The following GLRA3 variants were observed in gnomAD, a reference collection of about 807,000 sequenced individuals.
GLRA3 encodes the protein glycine receptor alpha 3, also known as glycine receptor subunit alpha-3.
Under a neutral mutation model 60.4 loss-of-function variants are expected in GLRA3, and 44 were observed. The ratio of observed to expected loss-of-function variants is 0.73; its 90% CI spans 0.57 to 0.94. The LOEUF (loss-of-function observed/expected upper bound fraction) is 0.94. Among genes scored for constraint, GLRA3 ranks in the 40% least tolerant of loss-of-function variants. GLRA3 has a pLI of 0.00. For synonymous variants in GLRA3, 223 were observed against 192.9 expected (o/e 1.16, Z -1.29); for missense variants, 508 against 564.6 (o/e 0.90, Z 1.02).
intron 6 of GLRA3, among the ~76,000 whole-genome samples, chr4:174,682,434 A>AT (rs202041863): frequency 4.8e-4 from 73 of 152,320 alleles, no homozygotes; most frequent in African/African-American, 1.6e-3. Context: ...AAAAAATGCA[A>AT]TTTAAAAAAA....
chr4:174,736,907 A>G (rs1736812843), intron 3 of GLRA3, among the ~76,000 whole-genome samples: 1 of 152,224 alleles, frequency 6.6e-6, no homozygotes, highest in Non-Finnish European at 1.5e-5. Context: ...GCATAAAACT[A>G]GATGCTTTAA....
At chr4:174,683,105 G>A (rs35659583) in intron 5 of GLRA3, among the ~76,000 whole-genome samples, 166 bp from the exon 6 acceptor site, 64,209 of 151,992 alleles carry the variant, frequency 0.42, 14,110 homozygotes, top group Middle Eastern at 0.54. Context: ...ATAAATGTCT[G>A]TTGAAGTCTA....
intron 5 of GLRA3, among the ~76,000 whole-genome samples, chr4:174,690,698 C>T (rs1448802184): frequency 6.6e-6 from 1 of 152,012 alleles, no homozygotes; most frequent in Non-Finnish European, 1.5e-5. Flanking sequence ...TCTGTTGTTC[C>T]CTTCTTTGTG....
chr4:174,677,033 A>G (rs2110953616), intron 7 of GLRA3, 45 bp downstream of exon 7: 1 of 1,151,956 alleles, frequency 8.7e-7, no homozygotes, highest in South Asian at 1.2e-5. Flanking sequence ...TGCAAGATTT[A>G]TAAGTGTGTG....
At chr4:174,730,880 C>T (rs929395733) in intron 3 of GLRA3, among the ~76,000 whole-genome samples, 1 of 152,068 alleles carries the variant, frequency 6.6e-6, no homozygotes, top group African/African-American at 2.4e-5. Flanking sequence ...TGACAATAAT[C>T]CTGTCATTCA....
chr4:174,791,371 T>G (rs945516067), intron 1 of GLRA3, among the ~76,000 whole-genome samples: 3 of 152,134 alleles, frequency 2.0e-5, no homozygotes, highest in Admixed American at 1.3e-4. Flanking sequence ...CACACCTTGA[T>G]TTTGACCCAG....
chr4:174,670,377 T>G (rs985920415), intron 7 of GLRA3, among the ~76,000 whole-genome samples: 13 of 152,156 alleles, frequency 8.5e-5, no homozygotes, highest in Non-Finnish European at 1.6e-4. Flanking sequence ...AGATAAAGCC[T>G]GTAAAGGTGT....
intron 1 of GLRA3, among the ~76,000 whole-genome samples, chr4:174,824,789 AC>A (rs1332967784): frequency 6.6e-6 from 1 of 152,052 alleles, no homozygotes; most frequent in Non-Finnish European, 1.5e-5. Flanking sequence ...TGCTATCTGT[AC>A]TTTTTTCTTT....
chr4:174,818,715 C>A (rs1304950548), intron 1 of GLRA3, among the ~76,000 whole-genome samples: 3 of 152,080 alleles, frequency 2.0e-5, no homozygotes, highest in Non-Finnish European at 2.9e-5. Flanking sequence ...CTTTATAATC[C>A]TCTGCTGCTT....
chr4:174,776,638 A>G (rs879785353), intron 2 of GLRA3, among the ~76,000 whole-genome samples: 1 of 151,970 alleles, frequency 6.6e-6, no homozygotes, highest in Non-Finnish European at 1.5e-5. Flanking sequence ...GAAATAACCA[A>G]TTTTTTTGGA....
chr4:174,760,276 C>A (rs1012342), intron 3 of GLRA3, among the ~76,000 whole-genome samples: 41,734 of 152,010 alleles, frequency 0.27, 6,176 homozygotes, highest in Non-Finnish European at 0.34. Flanking sequence ...AACTTTACAA[C>A]CATTATGTAA....
chr4:174,799,368 C>T (rs1300401222), intron 1 of GLRA3, among the ~76,000 whole-genome samples: 1 of 152,102 alleles, frequency 6.6e-6, no homozygotes, highest in African/African-American at 2.4e-5. Flanking sequence ...CTAAAAACAC[C>T]AGTGAAAAAT....
intron 7 of GLRA3, 135 bp downstream of exon 7, chr4:174,676,943 G>A: frequency 1.7e-6 from 1 of 597,792 alleles, no homozygotes; most frequent in Non-Finnish European, 3.0e-6. Context: ...TTCTGCTTTG[G>A]TTATATATTA....
At chr4:174,675,116 T>C (rs1734062187) in intron 7 of GLRA3, among the ~76,000 whole-genome samples, 1 of 152,130 alleles carries the variant, frequency 6.6e-6, no homozygotes, top group South Asian at 2.1e-4. Flanking sequence ...ACTTTCTCAA[T>C]CAATTCCTTT....
chr4:174,827,784 G>A (rs1208739861), intron 1 of GLRA3, among the ~76,000 whole-genome samples: 1 of 151,714 alleles, frequency 6.6e-6, no homozygotes, highest in Non-Finnish European at 1.5e-5. Flanking sequence ...ATGAAAAATC[G>A]ACATAGCAAT....
intron 1 of GLRA3, among the ~76,000 whole-genome samples, chr4:174,816,857 A>C (rs1740523448): frequency 6.6e-6 from 1 of 152,272 alleles, no homozygotes; most frequent in South Asian, 2.1e-4. Context: ...TTGTGGGTAC[A>C]TAGCAGGTAT....
intron 1 of GLRA3, among the ~76,000 whole-genome samples, chr4:174,822,014 G>T (rs1740759864): frequency 6.6e-6 from 1 of 152,248 alleles, no homozygotes; most frequent in South Asian, 2.1e-4. Flanking sequence ...TAAACATTAT[G>T]GAGGTAAAAC....
At chr4:174,732,986 G>A (rs1027739569) in intron 3 of GLRA3, among the ~76,000 whole-genome samples, 1 of 152,064 alleles carries the variant, frequency 6.6e-6, no homozygotes, top group Non-Finnish European at 1.5e-5. Flanking sequence ...CTAGGTAAAG[G>A]ATTCAATAGT....
intron 6 of GLRA3, among the ~76,000 whole-genome samples, chr4:174,679,314 C>A (rs1421497263): frequency 6.6e-6 from 1 of 151,742 alleles, no homozygotes; most frequent in African/African-American, 2.4e-5. Flanking sequence ...GAGCGAGACT[C>A]CAACTCAAAA....
Sources: gnomAD v4.1 joint callset for allele counts (sites outside exome capture counted in the v4.1 genomes callset) on GRCh38, gnomAD v4.1.1 for gene constraint, MANE v1.5 for transcripts, NCBI Gene and HGNC (gene_info 2026-07-23, HGNC 2026-07-21) for gene names.